The following KALRN variants were observed in gnomAD, a reference collection of about 807,000 sequenced individuals.
KALRN encodes kalirin RhoGEF kinase, also known as kalirin.
Under a neutral mutation model 353.7 loss-of-function variants are expected in KALRN, and 70 were observed. The observed-to-expected ratio is 0.20, with a 90% CI of 0.16 to 0.24. The LOEUF (loss-of-function observed/expected upper bound fraction) is 0.24. KALRN is among the 10% of genes least tolerant of loss of function. KALRN has a pLI of 1.00. For synonymous variants in KALRN, 1,391 were observed against 1,434.8 expected (o/e 0.97, Z 0.69); for missense variants, 2,791 against 3,756.7 (o/e 0.74, Z 6.72).
At chr3:124,421,221 T>G (rs895896279) in intron 14 of KALRN, among the ~76,000 whole-genome samples, 2 of 151,742 alleles carry the variant, frequency 1.3e-5, no homozygotes, top group African/African-American at 4.9e-5. Flanking sequence ...TTCCTAGATC[T>G]AAGGATCTGA....
chr3:124,550,323 G>A, intron 33 of KALRN, among the ~76,000 whole-genome samples: 1 of 152,170 alleles, frequency 6.6e-6, no homozygotes, highest in East Asian at 1.9e-4. Flanking sequence ...GCCTGGTACA[G>A]GGTAAGGGAA....
intron 1 of KALRN, among the ~76,000 whole-genome samples, chr3:124,076,748 G>T (rs2060279235): frequency 6.6e-6 from 1 of 152,218 alleles, no homozygotes; most frequent in African/African-American, 2.4e-5. Context: ...GGACAGTAGG[G>T]GTGGTGGGGA....
chr3:124,548,067 C>T (rs938564239), intron 33 of KALRN, among the ~76,000 whole-genome samples: 5 of 152,082 alleles, frequency 3.3e-5, no homozygotes, highest in Admixed American at 1.3e-4. Context: ...GTTGGTATTC[C>T]CAAGGGCCTA....
chr3:124,140,502 C>T (rs1373732442), intron 1 of KALRN, among the ~76,000 whole-genome samples: 2 of 152,162 alleles, frequency 1.3e-5, no homozygotes, highest in Non-Finnish European at 2.9e-5. Context: ...AAGTGAGATT[C>T]TTACCCAGGT....
chr3:124,145,135 G>C (rs1008414004), intron 1 of KALRN, among the ~76,000 whole-genome samples: 7 of 152,302 alleles, frequency 4.6e-5, no homozygotes, highest in African/African-American at 1.7e-4. Context: ...ATGCCCAGCA[G>C]CTGGAGGTGA....
chr3:124,625,939 G>A (rs1674115814), intron 34 of KALRN, among the ~76,000 whole-genome samples: 1 of 152,126 alleles, frequency 6.6e-6, no homozygotes, highest in African/African-American at 2.4e-5. Flanking sequence ...AAATTAGCAG[G>A]GTGTGGTGGT....
rs576312529 is a variant in KALRN, at chr3:124,452,187, A to C, written c.3553-2990A>C. ...CCATTTCAGAATACTCCCAGTGGGGACCATGGCCATGGTTGATGTCTAAGT... is the reference window on the plus strand; with the variant it reads ...CCATTTCAGAATACTCCCAGTGGGGCCCATGGCCATGGTTGATGTCTAAGT... On this transcript the variant is annotated intron_variant, in intron 21 of 59. Transcript: ENST00000682506. Among the ~76,000 whole-genome samples, 391 of 152,280 alleles carry C rather than the reference A, an allele frequency of 2.6e-3. 3 individuals are homozygous for C. Among genetic ancestry groups the C allele is most frequent in the Middle Eastern group, 6.8e-3 (2 of 294 alleles).
intron 19 of KALRN, 86 bp from the exon 20 acceptor site, chr3:124,446,075 C>A: frequency 1.3e-6 from 1 of 766,850 alleles, no homozygotes. Context: ...GTCATGGTCA[C>A]CTGGCACCTG....
chr3:124,268,557 A>G, intron 4 of KALRN, 186 bp from the exon 5 acceptor site: 1 of 620,422 alleles, frequency 1.6e-6, no homozygotes, highest in Non-Finnish European at 2.8e-6. Flanking sequence ...AGCAGTCTGT[A>G]GAAACTGCTG....
At chr3:124,210,136 T>C (rs1228216415) in intron 1 of KALRN, among the ~76,000 whole-genome samples, 1 of 152,198 alleles carries the variant, frequency 6.6e-6, no homozygotes, top group Non-Finnish European at 1.5e-5. Flanking sequence ...CTCTATAAAA[T>C]GCTAGTCTTT....
chr3:124,690,613 A>G (rs1312185968), intron 51 of KALRN, among the ~76,000 whole-genome samples: 1 of 152,246 alleles, frequency 6.6e-6, no homozygotes, highest in African/African-American at 2.4e-5. Flanking sequence ...CTATGATGGA[A>G]CGAGCACTGG....
Position 124,482,801 on chromosome 3 carries a change from C to A in KALRN, c.4192-7C>A. The A allele has an allele frequency of 6.3e-7, 1 of 1,597,640 alleles. No homozygotes were observed. On this transcript the variant is annotated splice_polypyrimidine_tract_variant and splice_region_variant and intron_variant, in intron 27 of 59. Transcript: ENST00000682506. The stretch of plus-strand genomic sequence containing the variant: ...TGTCTAATTGCACATTGTTCTCATC[C>A]CTGCAGGAGATACAACAGCGGCATG...
At chr3:124,453,384 G>T (rs1477666508) in intron 21 of KALRN, among the ~76,000 whole-genome samples, 1 of 152,180 alleles carries the variant, frequency 6.6e-6, no homozygotes, top group African/African-American at 2.4e-5. Context: ...CCTGGTCCCT[G>T]GTCCCTGGCC....
rs183927134 is a variant in KALRN at position 124,458,047 on chromosome 3, G to A, written c.3854+1319G>A. Among the ~76,000 whole-genome samples the A allele has an allele frequency of 2.4e-3, 368 of 152,154 alleles. 1 individual carries two copies. Among genetic ancestry groups the A allele is most frequent in the Non-Finnish European group, 4.2e-3 (285 of 67,988 alleles). ...TCCCAGCACTTTGGGAGGCCGAGGC[G>A]GTTGGATTACCTGAGGTCAGGAGTT... On this transcript the variant is annotated intron_variant, in intron 23 of 59. Coordinates refer to ENST00000682506, the MANE Select transcript of KALRN (RefSeq NM_001388419.1).
At chr3:124,346,106 G>A (rs1366395744) in intron 9 of KALRN, among the ~76,000 whole-genome samples, 1 of 152,160 alleles carries the variant, frequency 6.6e-6, no homozygotes, top group Non-Finnish European at 1.5e-5. Flanking sequence ...TCTATAACAG[G>A]TGTGTCTATA....
At chr3:124,438,317 C>T (rs1370213343) in intron 17 of KALRN, among the ~76,000 whole-genome samples, 1 of 152,210 alleles carries the variant, frequency 6.6e-6, no homozygotes, top group Non-Finnish European at 1.5e-5. Context: ...TACCCCTCTA[C>T]AGGAAATGTG....
At chr3:124,202,886 T>C (rs2076083793) in intron 1 of KALRN, among the ~76,000 whole-genome samples, 1 of 152,224 alleles carries the variant, frequency 6.6e-6, no homozygotes, top group East Asian at 1.9e-4. Context: ...GAGGCTATCC[T>C]GCTGCCCTTC....
At chr3:124,062,533 C>T (rs1000498258) in intron 1 of KALRN, among the ~76,000 whole-genome samples, 2 of 150,396 alleles carry the variant, frequency 1.3e-5, no homozygotes, top group Non-Finnish European at 3.0e-5. Context: ...CTTCCTGAAT[C>T]GGAGTCTCTG....
intron 34 of KALRN, among the ~76,000 whole-genome samples, chr3:124,621,353 A>G (rs370868148): frequency 1.3e-5 from 2 of 152,246 alleles, no homozygotes; most frequent in Non-Finnish European, 1.5e-5. Context: ...ATAAAAACAC[A>G]AAGTTAAGTC....
Sources: allele counts gnomAD v4.1 joint callset (sites outside exome capture counted in the v4.1 genomes callset), GRCh38; gene constraint gnomAD v4.1.1; transcripts MANE v1.5; gene names NCBI Gene and HGNC (gene_info 2026-07-23, HGNC 2026-07-21).